The following MAF variants were observed in gnomAD, a reference collection of about 807,000 sequenced individuals.
MAF encodes transcription factor Maf.
A neutral mutation model predicts 22.0 loss-of-function variants in MAF; 10 were observed. The ratio of observed to expected loss-of-function variants is 0.45; its 90% CI spans 0.28 to 0.77. The LOEUF is 0.77. Ranked by LOEUF, MAF falls within the 30% of genes least tolerant of loss-of-function variation. The pLI, the probability that MAF is intolerant of heterozygous loss-of-function variation, is 0.12. For missense variants in MAF, 544 were observed against 548.4 expected (o/e 0.99, Z 0.08); for synonymous variants, 337 against 255.8 (o/e 1.32, Z -3.03).
the MAF span, among the ~76,000 whole-genome samples, chr16:79,396,340 T>C: frequency 1.3e-5 from 2 of 152,120 alleles, no homozygotes; most frequent in African/African-American, 4.8e-5. Flanking sequence ...AATTAGAGGA[T>C]TAAAACTCTA....
chr16:79,301,758 C>T, the MAF span, among the ~76,000 whole-genome samples: 1 of 152,116 alleles, frequency 6.6e-6, no homozygotes, highest in Non-Finnish European at 1.5e-5. Flanking sequence ...ACATATGTAG[C>T]CATCATTGAG....
intron 1 of MAF, among the ~76,000 whole-genome samples, chr16:79,586,673 T>C (rs563798186): frequency 2.0e-5 from 3 of 152,352 alleles, no homozygotes; most frequent in East Asian, 3.9e-4. Context: ...CTTATTGCTA[T>C]TAGCTGTACT....
chr16:79,367,374 G>T, the MAF span, among the ~76,000 whole-genome samples: 1 of 152,216 alleles, frequency 6.6e-6, no homozygotes, highest in African/African-American at 2.4e-5. Context: ...AAAGACTGCA[G>T]TTACCATCTG....
chr16:79,344,618 A>G, the MAF span, among the ~76,000 whole-genome samples: 1 of 152,216 alleles, frequency 6.6e-6, no homozygotes, highest in East Asian at 1.9e-4. Context: ...CTGTCTATAT[A>G]ATAAGTATCC....
rs745487959 is a variant in MAF, at chr16:79,599,549, G to A, written c.354C>T (p.Ile118=). The A allele has an allele frequency of 2.5e-6, 4 of 1,574,012 alleles. No homozygotes were observed. The highest frequency in any genetic ancestry group is 1.9e-5 in the Admixed American group (1 of 53,706). Residue 118 remains isoleucine, a synonymous_variant, in exon 1 of 2, where the codon ATC becomes ATT. Coordinates refer to ENST00000326043, the MANE Select transcript of MAF (RefSeq NM_005360.5). The part of the protein sequence containing the change: ...FSPEDAVEAL[I]SNSHQLQGGF... Reference sequence around the variant, plus strand: ...CGCCCTGGAGCTGGTGGCTGTTGCTGATGAGCGCCTCGACCGCGTCCTCGG... The same window carrying A: ...CGCCCTGGAGCTGGTGGCTGTTGCTAATGAGCGCCTCGACCGCGTCCTCGG...
At chr16:79,395,075 A>G in the MAF span, among the ~76,000 whole-genome samples, 1 of 152,340 alleles carries the variant, frequency 6.6e-6, no homozygotes, top group East Asian at 1.9e-4. Context: ...TAGATCAAGA[A>G]TCTACCCCAG....
the MAF span, among the ~76,000 whole-genome samples, chr16:79,421,448 A>G: frequency 6.6e-6 from 1 of 152,140 alleles, no homozygotes; most frequent in Non-Finnish European, 1.5e-5. Flanking sequence ...CTTTTCCACA[A>G]TGTCATGTAG....
the MAF span, among the ~76,000 whole-genome samples, chr16:79,384,869 C>A: frequency 6.6e-6 from 1 of 152,212 alleles, no homozygotes; most frequent in Admixed American, 6.5e-5. Context: ...AGTTGTTCGT[C>A]AATGACAGTA....
At chr16:79,423,965 G>T in the MAF span, among the ~76,000 whole-genome samples, 1 of 152,092 alleles carries the variant, frequency 6.6e-6, no homozygotes, top group East Asian at 1.9e-4. Flanking sequence ...TCTTAATAGG[G>T]TTAAGATTCA....
the MAF span, among the ~76,000 whole-genome samples, chr16:79,551,290 A>G: frequency 6.6e-6 from 1 of 152,132 alleles, no homozygotes. Context: ...CCAAGCAGGA[A>G]GAGGCACCCA....
At chr16:79,328,159 G>A in the MAF span, among the ~76,000 whole-genome samples, 1 of 152,154 alleles carries the variant, frequency 6.6e-6, no homozygotes, top group Admixed American at 6.5e-5. Context: ...TAGGGTAGGT[G>A]CCTAGTAATA....
the MAF span, among the ~76,000 whole-genome samples, chr16:79,351,261 C>T: frequency 1.2e-4 from 19 of 152,244 alleles, no homozygotes; most frequent in East Asian, 3.7e-3. Context: ...TTCCTTGATG[C>T]CCCAGAGAGG....
the MAF span, among the ~76,000 whole-genome samples, chr16:79,527,106 A>G: frequency 1.3e-5 from 2 of 152,170 alleles, no homozygotes; most frequent in Admixed American, 6.6e-5. Context: ...ATTCACTTGG[A>G]TATAGCTGTG....
the MAF span, among the ~76,000 whole-genome samples, chr16:79,543,076 G>C: frequency 6.6e-6 from 1 of 152,196 alleles, no homozygotes; most frequent in Non-Finnish European, 1.5e-5. Flanking sequence ...CCTTTTAAAA[G>C]CAGAACCACA....
chr16:79,568,979 G>A, the MAF span, among the ~76,000 whole-genome samples: 1 of 152,192 alleles, frequency 6.6e-6, no homozygotes, highest in South Asian at 2.1e-4. Flanking sequence ...CCTCATGCAA[G>A]TTTATGTCAC....
chr16:79,548,690 G>A, the MAF span, among the ~76,000 whole-genome samples: 4 of 152,206 alleles, frequency 2.6e-5, no homozygotes, highest in East Asian at 7.7e-4. Context: ...GAGCTTCCCT[G>A]CAGACTTCCC....
At chr16:79,389,481 T>C in the MAF span, among the ~76,000 whole-genome samples, 1 of 152,166 alleles carries the variant, frequency 6.6e-6, no homozygotes, top group Non-Finnish European at 1.5e-5. Flanking sequence ...AGGCTGGTCT[T>C]GAACTCCTGA....
At chr16:79,532,640 G>A in the MAF span, among the ~76,000 whole-genome samples, 4 of 152,236 alleles carry the variant, frequency 2.6e-5, no homozygotes, top group African/African-American at 7.2e-5. Context: ...AGGAGAAATG[G>A]GGGCGGCCTC....
the MAF span, among the ~76,000 whole-genome samples, chr16:79,331,126 G>A: frequency 6.6e-6 from 1 of 152,282 alleles, no homozygotes; most frequent in Middle Eastern, 3.4e-3. Context: ...TCCTAACTCA[G>A]CAAGTGGATC....
Sources: allele counts gnomAD v4.1 joint callset (sites outside exome capture counted in the v4.1 genomes callset), GRCh38; gene constraint gnomAD v4.1.1; transcripts MANE v1.5; gene names NCBI Gene and HGNC (gene_info 2026-07-23, HGNC 2026-07-21).